The following SYNE1 variants were observed in gnomAD, a reference collection of about 807,000 sequenced individuals.
SYNE1 encodes nesprin-1.
SYNE1 carries 616 observed loss-of-function variants against 1,111.0 expected under a neutral mutation model. That is an observed-to-expected ratio of 0.55 (90% CI 0.52 to 0.59). The LOEUF (loss-of-function observed/expected upper bound fraction) is 0.59, where lower values mean the gene tolerates loss of function less well. Ranked by LOEUF, SYNE1 falls within the 20% of genes least tolerant of loss-of-function variation. SYNE1 has a pLI of 0.00. For missense variants in SYNE1, 10,006 were observed against 10,417.0 expected, an observed-to-expected ratio of 0.96 and a Z score of 1.72; for synonymous variants, 3,855 against 3,825.8, an observed-to-expected ratio of 1.01 and a Z score of -0.28.
rs767602666 is a variant in SYNE1 at position 152,359,471 on chromosome 6, T to A, written c.10300-13A>T. ...CTTCATTTAATAACTAGAGAGCATTTAAGAAAAATAAAGTGGCCATTCATG... is the reference window on the plus strand; with the variant it reads ...CTTCATTTAATAACTAGAGAGCATTAAAGAAAAATAAAGTGGCCATTCATG... On this transcript the variant is annotated splice_polypyrimidine_tract_variant and intron_variant, in intron 64 of 145. Coordinates refer to ENST00000367255, the MANE Select transcript of SYNE1 (RefSeq NM_182961.4). The A allele has an allele frequency of 1.2e-5, 19 of 1,614,020 alleles. No homozygotes were observed. The African/African-American group carries it at 2.3e-4, about 19-fold the overall frequency.
At chr6:152,630,326 G>A (rs2099695914) in intron 2 of SYNE1, among the ~76,000 whole-genome samples, 1 of 152,078 alleles carries the variant, frequency 6.6e-6, no homozygotes, top group African/African-American at 2.4e-5. Context: ...CTAGAAGTAG[G>A]ACCCAATACT....
chr6:152,181,276 G>T (rs1256727746), intron 128 of SYNE1, among the ~76,000 whole-genome samples: 1 of 152,062 alleles, frequency 6.6e-6, no homozygotes. Context: ...GCCAGGTATG[G>T]TGGCGCACAC....
At chr6:152,504,053 A>G (rs1239163557) in intron 9 of SYNE1, among the ~76,000 whole-genome samples, 1 of 152,128 alleles carries the variant, frequency 6.6e-6, no homozygotes, top group East Asian at 1.9e-4. Context: ...TCTAATCATC[A>G]AAGAAAATAT....
intron 128 of SYNE1, among the ~76,000 whole-genome samples, chr6:152,188,730 G>A (rs7758220): frequency 0.4 from 60,078 of 151,178 alleles, 12,177 homozygotes; most frequent in African/African-American, 0.49. Context: ...AGGGCGAGGC[G>A]GACAAATCAC....
chr6:152,437,047 G>A (rs1349965160), intron 32 of SYNE1, among the ~76,000 whole-genome samples: 3 of 151,904 alleles, frequency 2.0e-5, no homozygotes, highest in African/African-American at 7.3e-5. Flanking sequence ...CATGCCTGTA[G>A]TCCTGGCTAC....
At chr6:152,637,047 C>T (rs2099706962) in intron 1 of SYNE1, 142 bp downstream of exon 1, 1 of 152,398 alleles carries the variant, frequency 6.6e-6, no homozygotes, top group Non-Finnish European at 1.5e-5. Context: ...CCGGTTCAGC[C>T]TCTGGGCAGG....
chr6:152,557,417 A>G (rs1203156172), intron 3 of SYNE1, among the ~76,000 whole-genome samples: 2 of 152,196 alleles, frequency 1.3e-5, no homozygotes, highest in Non-Finnish European at 2.9e-5. Flanking sequence ...ATAATGTTAG[A>G]AAACTTCCCA....
chr6:152,609,678 C>T (rs181184114), intron 3 of SYNE1, among the ~76,000 whole-genome samples: 1 of 152,288 alleles, frequency 6.6e-6, no homozygotes, highest in Admixed American at 6.5e-5. Context: ...TCAAGTGGGT[C>T]CCTGACCCCC....
chr6:152,270,725 G>C (rs959763793), intron 98 of SYNE1, among the ~76,000 whole-genome samples: 3 of 152,220 alleles, frequency 2.0e-5, no homozygotes, highest in Admixed American at 6.5e-5. Context: ...CTGGTGGGGA[G>C]TTAGACTATA....
chr6:152,155,195 G>A, intron 132 of SYNE1, 153 bp from the exon 133 acceptor site: 1 of 809,740 alleles, frequency 1.2e-6, no homozygotes, highest in South Asian at 1.7e-5. Context: ...TGACCAGAGA[G>A]CAAGAGAGAC....
intron 78 of SYNE1, among the ~76,000 whole-genome samples, chr6:152,328,011 A>G (rs2096126500): frequency 6.6e-6 from 1 of 152,232 alleles, no homozygotes; most frequent in Non-Finnish European, 1.5e-5. Flanking sequence ...TACTATTTAA[A>G]GTGTTAACCT....
At chr6:152,598,963 CT>C (rs1456102527) in intron 3 of SYNE1, among the ~76,000 whole-genome samples, 1 of 152,146 alleles carries the variant, frequency 6.6e-6, no homozygotes, top group African/African-American at 2.4e-5. Flanking sequence ...ATGTTATTAT[CT>C]TTCTTAATAG....
intron 108 of SYNE1, 143 bp downstream of exon 108, chr6:152,239,390 G>A (rs1215435662): frequency 1.1e-6 from 1 of 936,234 alleles, no homozygotes; most frequent in Non-Finnish European, 1.7e-6. Context: ...AGAACCATAG[G>A]AAAAGTGCAG....
At chr6:152,246,069 C>G (rs2087041265) in intron 105 of SYNE1, among the ~76,000 whole-genome samples, 1 of 152,050 alleles carries the variant, frequency 6.6e-6, no homozygotes, top group Admixed American at 6.5e-5. Context: ...TCTGAACACA[C>G]CAATAAGACA....
At chr6:152,462,562 A>C in intron 20 of SYNE1, 176 bp downstream of exon 20, 1 of 678,062 alleles carries the variant, frequency 1.5e-6, no homozygotes, top group Non-Finnish European at 2.5e-6. Flanking sequence ...TGATCAAGTC[A>C]TGTCTTTTTT....
At chr6:152,287,035 A>G (rs1175288195) in intron 95 of SYNE1, among the ~76,000 whole-genome samples, 1 of 152,252 alleles carries the variant, frequency 6.6e-6, no homozygotes, top group Admixed American at 6.5e-5. Context: ...TATTGAGAGC[A>G]AGTGCTAAGA....
chr6:152,206,258 C>A lies in SYNE1; in HGVS notation c.22929G>T (p.Leu7643Phe), dbSNP rs764300736. ...LSADSGAEAA[L>F]QAELAEIQEK... is the part of the protein sequence containing the mutation. ...CTTGGATTTCAGCGAGTTCGGCCTG[C>A]AAGGCGGCCTCAGCGCCACTGTCCG... The change falls in exon 126 of 146, where the codon TTG (leucine) becomes TTT (phenylalanine). Residue 7643 changes from leucine to phenylalanine, a missense_variant. Leu to Phe is a conservative substitution (Grantham distance 22). Coordinates refer to ENST00000367255, the MANE Select transcript of SYNE1 (RefSeq NM_182961.4). The A allele has an allele frequency of 2.3e-5, 37 of 1,613,810 alleles. No individual in the cohort carries two copies. The highest frequency in any genetic ancestry group is 3.0e-5 in the Non-Finnish European group (35 of 1,180,032).
rs1462645117 is a variant in SYNE1 at position 152,141,273 on chromosome 6, G to A, written c.25176C>T (p.His8392=). Residue 8392 remains histidine, a synonymous_variant, in exon 139 of 146, where the codon CAC becomes CAT. Coordinates refer to ENST00000367255, the MANE Select transcript of SYNE1 (RefSeq NM_182961.4). ...GGCTCTCCTCTTCCTCCTTCAGTTT[G>A]TGCTCCAGTCTCTTCACGGAGTCTA... is the stretch of plus-strand genomic sequence containing the variant. The part of the protein sequence containing the change: ...SSIDSVKRLE[H]KLKEEEESLP... 6.2e-7 allele frequency: 1 copy of A among 1,613,618 alleles called. No individual in the cohort carries two copies. Among genetic ancestry groups the A allele is most frequent in the African/African-American group, 1.3e-5 (1 of 74,894 alleles).
At chr6:152,612,482 C>A (rs965466291) in intron 3 of SYNE1, among the ~76,000 whole-genome samples, 1 of 152,050 alleles carries the variant, frequency 6.6e-6, no homozygotes, top group African/African-American at 2.4e-5. Context: ...CAATAACAGG[C>A]TCTGAAATTG....
Sources: allele counts gnomAD v4.1 joint callset (sites outside exome capture counted in the v4.1 genomes callset), GRCh38; gene constraint gnomAD v4.1.1; transcripts MANE v1.5; gene names NCBI Gene and HGNC (gene_info 2026-07-23, HGNC 2026-07-21).